Variants in PRMT8 observed in about 807,000 individuals in gnomAD.
The protein encoded by PRMT8 is protein arginine N-methyltransferase 8.
Under a neutral mutation model 47.1 loss-of-function variants are expected in PRMT8, and 7 were observed. The observed-to-expected ratio is 0.15, with a 90% CI of 0.08 to 0.28. The LOEUF (loss-of-function observed/expected upper bound fraction) is 0.28. PRMT8 is among the 10% of genes least tolerant of loss of function. The probability of loss-of-function intolerance (pLI) is 1.00; values close to 1 mark genes in which losing one functional copy is unlikely to be tolerated. For synonymous variants in PRMT8, 188 were observed against 186.5 expected (o/e 1.01, Z -0.07); for missense variants, 237 against 505.4 (o/e 0.47, Z 5.09).
Position 3,550,371 on chromosome 12 carries a change from C to G in PRMT8, c.417+280C>G, listed in dbSNP as rs1315944829. 5.5e-6 allele frequency: 2 copies of G among 365,426 alleles called. No homozygotes were observed. Among genetic ancestry groups the G allele is most frequent in the Non-Finnish European group, 1.0e-5 (2 of 196,650 alleles). 22.6% of individuals were successfully genotyped at this position (365,426 alleles called of 1,614,324 possible). A position where few individuals can be genotyped will look rare whatever the true frequency, so the allele number is the denominator to read the frequency against. ...TCATCATGACCTTTCAGTGCTTAGC[C>G]CCAAGGTCAGCTTCAGAGGCAGTGC... On this transcript the variant is annotated intron_variant, in intron 3 of 9. Transcript: ENST00000382622. This position sits in a 1 kb window ranked among gnomAD's most constrained non-coding sequence, Gnocchi z 5.1.
In PRMT8 at chr12:3,493,642, G is replaced by GGAGCAGGCA. The variant is rs1451900605; in HGVS notation, c.75+1947_75+1955dup. The stretch of plus-strand genomic sequence containing the variant: ...GCCTCGGCGAGGGTTAAAGGCGTCC[G>GGAGCAGGCA]GAGCAGGCAGAGCGCCGCGCGCCAG... On this transcript the variant is annotated intron_variant, in intron 1 of 9. Coordinates refer to ENST00000382622, the MANE Select transcript of PRMT8 (RefSeq NM_019854.5). The surrounding 1 kb of genome is among the most constrained non-coding windows in gnomAD (Gnocchi z 8.2). 2.0e-5 allele frequency among the ~76,000 whole-genome samples: 3 copies of GGAGCAGGCA among 152,206 alleles called. No individual in the cohort carries two copies. Among genetic ancestry groups the GGAGCAGGCA allele is most frequent in the African/African-American group, 7.2e-5 (3 of 41,434 alleles).
chr12:3,443,341 C>T (rs1864822891), intron 1 of PRMT8, among the ~76,000 whole-genome samples: 1 of 152,174 alleles, frequency 6.6e-6, no homozygotes, highest in Admixed American at 6.5e-5. Flanking sequence ...GGTGCCTCCC[C>T]CATCCCCCAA....
At chr12:3,577,803 G>T (rs1866975813) in intron 7 of PRMT8, among the ~76,000 whole-genome samples, 1 of 152,056 alleles carries the variant, frequency 6.6e-6, no homozygotes, top group East Asian at 1.9e-4. Context: ...AAACACCTTT[G>T]CCCGAGGCTT....
At chr12:3,563,930 C>T (rs377315094) in intron 4 of PRMT8, among the ~76,000 whole-genome samples, 6 of 151,784 alleles carry the variant, frequency 4.0e-5, no homozygotes, top group African/African-American at 1.4e-4. Flanking sequence ...AACCCAATGC[C>T]CCCCACCTTT....
chr12:3,541,931 T>A (rs1866237822), intron 2 of PRMT8, among the ~76,000 whole-genome samples: 1 of 152,202 alleles, frequency 6.6e-6, no homozygotes. Context: ...TTGACGGTTT[T>A]TTTGTGTGCG....
chr12:3,460,654 A>G (rs1458096334), intron 1 of PRMT8, among the ~76,000 whole-genome samples: 1 of 152,162 alleles, frequency 6.6e-6, no homozygotes, highest in Non-Finnish European at 1.5e-5. Context: ...CCAATATTAT[A>G]TCCCCATTTT....
intron 1 of PRMT8, among the ~76,000 whole-genome samples, chr12:3,406,762 T>G (rs1305074756): frequency 1.3e-5 from 2 of 152,226 alleles, no homozygotes; most frequent in African/African-American, 4.8e-5. Flanking sequence ...AGTTCCAAAC[T>G]TTCCTACATC....
At chr12:3,496,214 A>ATATATTTT in intron 1 of PRMT8, among the ~76,000 whole-genome samples, 18 of 27,772 alleles carry the variant, frequency 6.5e-4, no homozygotes, top group Non-Finnish European at 8.7e-4. Context: ...ATATATATAT[A>ATATATTTT]TTTTTTTTTT....
chr12:3,593,079 G>GCT lies in PRMT8; in HGVS notation c.1102-11_1102-10dup, dbSNP rs778438660. On this transcript the variant is annotated intron_variant, in intron 9 of 9. Transcript: ENST00000382622. The surrounding 1 kb of genome is among the most constrained non-coding windows in gnomAD (Gnocchi z 4.8). ...TACCCAGACGGCCGCCTGACCCTTC[G>GCT]CTCTCTCTCTGCCTTGCAGCGAGAC... 118 of 1,607,324 alleles carry GCT rather than the reference G, an allele frequency of 7.3e-5. No homozygotes were observed. In the Middle Eastern group the frequency reaches 1.2e-3, roughly 16 times the overall value.
intron 1 of PRMT8, among the ~76,000 whole-genome samples, chr12:3,525,302 CAGAT>C (rs1865936758): frequency 1.3e-5 from 2 of 152,076 alleles, no homozygotes; most frequent in Admixed American, 6.5e-5. Flanking sequence ...TTGTGGGTGT[CAGAT>C]AGCAGAATAA....
intron 1 of PRMT8, among the ~76,000 whole-genome samples, chr12:3,528,632 C>A (rs138843169): frequency 2.0e-5 from 3 of 151,702 alleles, no homozygotes. Flanking sequence ...TATCATTTCT[C>A]GGTTCAGTTT....
At chr12:3,461,276 G>C (rs557312983) in intron 1 of PRMT8, among the ~76,000 whole-genome samples, 1 of 152,068 alleles carries the variant, frequency 6.6e-6, no homozygotes, top group Non-Finnish European at 1.5e-5. Context: ...TTCCCACTTC[G>C]CAGCTATTCC....
intron 1 of PRMT8, among the ~76,000 whole-genome samples, chr12:3,454,347 G>A (rs1864951744): frequency 6.6e-6 from 1 of 152,174 alleles, no homozygotes; most frequent in African/African-American, 2.4e-5. Flanking sequence ...GTGCCACAGG[G>A]AGCAAGAGGG....
At chr12:3,590,433 G>T (rs1205743046) in intron 8 of PRMT8, among the ~76,000 whole-genome samples, 1 of 152,164 alleles carries the variant, frequency 6.6e-6, no homozygotes, top group African/African-American at 2.4e-5. Flanking sequence ...GTGGACCTCA[G>T]GTGGCTCATA....
In PRMT8 at chr12:3,550,197, G is replaced by T. The variant is rs1565438595; in HGVS notation, c.417+106G>T. On this transcript the variant is annotated intron_variant, in intron 3 of 9. Coordinates refer to ENST00000382622, the MANE Select transcript of PRMT8 (RefSeq NM_019854.5). The surrounding 1 kb of genome is among the most constrained non-coding windows in gnomAD (Gnocchi z 5.1). Reference sequence around the variant, plus strand: ...GTACAAAATTTGGTCCATCTCTTTTGCTGGGGTCACACCTTCGAGGAGTAG... The same window carrying T: ...GTACAAAATTTGGTCCATCTCTTTTTCTGGGGTCACACCTTCGAGGAGTAG... 1 of 1,426,514 alleles carries T rather than the reference G, an allele frequency of 7.0e-7. No individual in the cohort carries two copies. Among genetic ancestry groups the T allele is most frequent in the East Asian group, 2.3e-5 (1 of 43,288 alleles). 88.4% of individuals were successfully genotyped at this position (1,426,514 alleles called of 1,614,324 possible). A position where few individuals can be genotyped will look rare whatever the true frequency, so the allele number is the denominator to read the frequency against.
chr12:3,477,708 C>G (rs1865228771), intron 1 of PRMT8, among the ~76,000 whole-genome samples: 2 of 152,192 alleles, frequency 1.3e-5, no homozygotes, highest in South Asian at 4.1e-4. Flanking sequence ...TTCCAAACCA[C>G]TGGCGGTCGT....
upstream of PRMT8, among the ~76,000 whole-genome samples, chr12:3,487,398 G>A (rs1865332942): frequency 6.6e-6 from 1 of 152,182 alleles, no homozygotes; most frequent in South Asian, 2.1e-4. Context: ...GGGATTTTGG[G>A]CAGCAGCAAA....
chr12:3,442,948 C>T (rs576133433), intron 1 of PRMT8, among the ~76,000 whole-genome samples: 66 of 152,240 alleles, frequency 4.3e-4, no homozygotes, highest in South Asian at 2.1e-4. Context: ...TGAGCCACCA[C>T]GCCCGGCCTT....
chr12:3,406,482 C>G (rs1161365304), intron 1 of PRMT8, among the ~76,000 whole-genome samples: 1 of 152,174 alleles, frequency 6.6e-6, no homozygotes, highest in Admixed American at 6.5e-5. Context: ...AATTTCCAAA[C>G]TTTTATGCTC....
Sources: allele counts gnomAD v4.1 joint callset (sites outside exome capture counted in the v4.1 genomes callset), GRCh38; gene constraint gnomAD v4.1.1; non-coding constraint Gnocchi (gnomAD v3.1); transcripts MANE v1.5; gene names NCBI Gene and HGNC (gene_info 2026-07-23, HGNC 2026-07-21).